The following DENND2B variants were observed in gnomAD, a reference collection of about 807,000 sequenced individuals.
DENND2B encodes the protein DENN domain containing 2B, also known as DENN domain-containing protein 2B.
Under a neutral mutation model 116.0 loss-of-function variants are expected in DENND2B, and 32 were observed. The observed-to-expected ratio is 0.28, with a 90% CI of 0.21 to 0.37. The LOEUF is 0.37. Among genes scored for constraint, DENND2B ranks in the 10% least tolerant of loss-of-function variants. The pLI is 1.00. For missense variants in DENND2B, 1,276 were observed against 1,477.7 expected (o/e 0.86, Z 2.24); for synonymous variants, 588 against 583.9 (o/e 1.01, Z -0.10).
intron 4 of DENND2B, among the ~76,000 whole-genome samples, chr11:8,831,195 GACCCC>G (rs1182181757): frequency 2.0e-5 from 3 of 152,124 alleles, no homozygotes; most frequent in Non-Finnish European, 2.9e-5. Context: ...CACAACACAT[GACCCC>G]AAGACCTCCC....
Position 8,740,104 on chromosome 11 carries a change from C to T in DENND2B, c.81-8895G>A, listed in dbSNP as rs960647056. On this transcript the variant is annotated intron_variant, in intron 2 of 19. Transcript: ENST00000313726. ...ACTCAAGAGGCTGAGGCAGGAGGAT[C>T]CTTGAGCCCAGGAGGTCAAGGCTAC... 1.1e-4 allele frequency among the ~76,000 whole-genome samples: 17 copies of T among 151,532 alleles called. No homozygotes were observed. The East Asian group carries it at 3.1e-3, about 28-fold the overall frequency.
chr11:8,695,919 G>A, intron 18 of DENND2B: 1 of 286,450 alleles, frequency 3.5e-6, no homozygotes, highest in Non-Finnish European at 6.6e-6. Flanking sequence ...GACAGAAGAA[G>A]TACTAACCCT....
chr11:8,760,046 A>C (rs994472514), intron 1 of DENND2B, among the ~76,000 whole-genome samples: 7 of 152,170 alleles, frequency 4.6e-5, no homozygotes, highest in Admixed American at 6.5e-5. Flanking sequence ...CCTGTGGAAA[A>C]GCTCCCCTGC....
chr11:8,846,419 G>A (rs1457067564), intron 3 of DENND2B, among the ~76,000 whole-genome samples: 1 of 152,146 alleles, frequency 6.6e-6, no homozygotes, highest in Admixed American at 6.5e-5. Context: ...AGTATCATCC[G>A]AACCAAAGCA....
chr11:8,711,865 C>T (rs1157144686), intron 9 of DENND2B: 1 of 376,544 alleles, frequency 2.7e-6, no homozygotes, highest in African/African-American at 2.1e-5. Context: ...GAAACTCCGT[C>T]TCGAATAAAA....
intron 1 of DENND2B, among the ~76,000 whole-genome samples, chr11:8,805,870 A>G (rs1285288877): frequency 6.6e-6 from 1 of 152,172 alleles, no homozygotes; most frequent in Non-Finnish European, 1.5e-5. Context: ...TTCACTGACT[A>G]AATGGGTGAA....
chr11:8,901,104 T>C (rs2064162435), intron 1 of DENND2B, among the ~76,000 whole-genome samples: 1 of 152,032 alleles, frequency 6.6e-6, no homozygotes, highest in South Asian at 2.1e-4. Context: ...GATTTTTCTC[T>C]ATTTTTCTAC....
At chr11:8,819,143 C>T (rs2061676983) in intron 4 of DENND2B, among the ~76,000 whole-genome samples, 1 of 152,032 alleles carries the variant, frequency 6.6e-6, no homozygotes, top group Non-Finnish European at 1.5e-5. Context: ...GCCTGTAATT[C>T]CAACAATCTG....
chr11:8,786,340 A>G (rs2058897020), intron 1 of DENND2B, among the ~76,000 whole-genome samples: 1 of 152,226 alleles, frequency 6.6e-6, no homozygotes, highest in African/African-American at 2.4e-5. Flanking sequence ...ATAAATAAAT[A>G]AAACATACTT....
Position 8,699,407 on chromosome 11 carries a change from G to C in DENND2B, c.2721-17C>G. 4.4e-6 allele frequency: 7 copies of C among 1,582,026 alleles called. No individual in the cohort carries two copies. Among genetic ancestry groups the C allele is most frequent in the Non-Finnish European group, 6.0e-6 (7 of 1,171,050 alleles). On this transcript the variant is annotated splice_polypyrimidine_tract_variant and intron_variant, in intron 14 of 19. Transcript: ENST00000313726. ...GAGAGGGTACTGATGGGCAGACAGA[G>C]AGACAGAGTACCTGAGCCCAGGCCC...
At chr11:8,859,164 T>G (rs1039795009) in intron 2 of DENND2B, among the ~76,000 whole-genome samples, 1 of 152,236 alleles carries the variant, frequency 6.6e-6, no homozygotes, top group Non-Finnish European at 1.5e-5. Flanking sequence ...TAGAGCTTGA[T>G]GATGTACTGC....
chr11:8,902,477 T>C (rs2064182868), intron 1 of DENND2B, among the ~76,000 whole-genome samples: 1 of 152,374 alleles, frequency 6.6e-6, no homozygotes, highest in Middle Eastern at 3.4e-3. Flanking sequence ...ATCTTCCAGA[T>C]GTAATGATTT....
chr11:8,707,258 G>C lies in DENND2B; in HGVS notation c.2431-33C>G. The C allele has an allele frequency of 1.3e-6, 2 of 1,595,878 alleles. No individual in the cohort carries two copies. The highest frequency in any genetic ancestry group is 1.7e-6 in the Non-Finnish European group (2 of 1,167,762). On this transcript the variant is annotated intron_variant, in intron 12 of 19. Transcript: ENST00000313726. This position sits in a 1 kb window ranked among gnomAD's most constrained non-coding sequence, Gnocchi z 4.8. Reference sequence around the variant, plus strand: ...CACCGCCAGCAGCCCAAAGAGGAAGGGTGTCAGGGCACTGCCCTTCCCCCT... The same window carrying C: ...CACCGCCAGCAGCCCAAAGAGGAAGCGTGTCAGGGCACTGCCCTTCCCCCT...
chr11:8,908,288 G>A (rs985356097), intron 1 of DENND2B, among the ~76,000 whole-genome samples: 4 of 152,128 alleles, frequency 2.6e-5, no homozygotes, highest in Non-Finnish European at 5.9e-5. Context: ...GAGCTGACCT[G>A]ACAAAAAGAA....
intron 1 of DENND2B, among the ~76,000 whole-genome samples, chr11:8,806,640 C>CACACACACACACACA (rs1555201307): frequency 1.2e-3 from 11 of 9,298 alleles, no homozygotes; most frequent in Non-Finnish European, 5.0e-3. Flanking sequence ...ACACACACAC[C>CACACACACACACACA]CAGGAGAGCT....
At chr11:8,733,868 T>C (rs927637643) in intron 2 of DENND2B, among the ~76,000 whole-genome samples, 1 of 152,222 alleles carries the variant, frequency 6.6e-6, no homozygotes, top group Non-Finnish European at 1.5e-5. Context: ...GAGGTTTCAT[T>C]TCTCCCCTCT....
chr11:8,748,325 C>T (rs576457917), intron 2 of DENND2B, among the ~76,000 whole-genome samples: 2 of 152,314 alleles, frequency 1.3e-5, no homozygotes, highest in East Asian at 1.9e-4. Context: ...GTTGTAAATA[C>T]CTTGGAGAAA....
intron 1 of DENND2B, among the ~76,000 whole-genome samples, chr11:8,797,261 G>A (rs949172175): frequency 5.9e-5 from 9 of 152,152 alleles, no homozygotes; most frequent in Non-Finnish European, 1.0e-4. Context: ...TTAGAACAGA[G>A]TAAACATTAC....
intron 2 of DENND2B, among the ~76,000 whole-genome samples, chr11:8,878,808 G>A (rs2063871981): frequency 6.6e-6 from 1 of 152,182 alleles, no homozygotes; most frequent in Non-Finnish European, 1.5e-5. Flanking sequence ...AAAGAAGCCA[G>A]ACCCAGAAAG....
Sources: gnomAD v4.1 joint callset for allele counts (sites outside exome capture counted in the v4.1 genomes callset) on GRCh38, gnomAD v4.1.1 for gene constraint, Gnocchi (gnomAD v3.1) non-coding constraint, MANE v1.5 for transcripts, NCBI Gene and HGNC (gene_info 2026-07-23, HGNC 2026-07-21) for gene names.